The following ST13 variants were observed in gnomAD, a reference collection of about 807,000 sequenced individuals.
ST13 encodes the protein ST13 Hsp70 interacting protein.
ST13 carries 23 observed loss-of-function variants against 56.7 expected under a neutral mutation model. That is an observed-to-expected ratio of 0.41 (90% confidence interval 0.29 to 0.57). ST13 has a LOEUF of 0.57. Among genes scored for constraint, ST13 ranks in the 20% least tolerant of loss-of-function variants. The pLI is 0.36. For missense variants in ST13, 369 were observed against 459.9 expected (o/e 0.80, Z 1.81); for synonymous variants, 132 against 142.4 (o/e 0.93, Z 0.52).
chr22:40,835,737 A>G (rs1205992122), intron 6 of ST13, 66 bp downstream of exon 6: 5 of 1,593,940 alleles, frequency 3.1e-6, no homozygotes, highest in Middle Eastern at 1.7e-4. Context: ...ACACAGAAGC[A>G]ACTCTATTTA....
chr22:40,853,125 C>T (rs1017533413), intron 1 of ST13, among the ~76,000 whole-genome samples: 5 of 152,110 alleles, frequency 3.3e-5, no homozygotes, highest in African/African-American at 1.2e-4. Context: ...ATGGAGACTA[C>T]GTGACATGGC....
rs779168822 is a variant in ST13, at chr22:40,856,533, G to C, written c.8C>G (p.Pro3Arg). 2 of 1,612,268 alleles carry C rather than the reference G, an allele frequency of 1.2e-6. No individual in the cohort carries two copies. Among genetic ancestry groups the C allele is most frequent in the East Asian group, 2.2e-5 (1 of 44,880 alleles). MD[P>R]RKVNELRAFV... Reference sequence around the variant, plus strand: ...GGCCCGAAGCTCGTTCACTTTGCGGGGGTCCATGGTAGGGAGGTGGTGGGC... The same window carrying C: ...GGCCCGAAGCTCGTTCACTTTGCGGCGGTCCATGGTAGGGAGGTGGTGGGC... The change falls in exon 1 of 12, where the codon CCC (proline) becomes CGC (arginine). Residue 3 changes from proline (P) to arginine (R), a missense_variant. Physicochemically the swap from Pro to Arg is moderately radical, Grantham distance 103. Around this residue, in one of 3 missense-constraint regions of ST13, gnomAD observed 169 missense variants for 175.6 expected, o/e 0.96. Coordinates refer to ENST00000216218, the MANE Select transcript of ST13 (RefSeq NM_003932.5).
At chr22:40,844,989 T>C in intron 3 of ST13, 80 bp from the exon 4 acceptor site, 1 of 848,418 alleles carries the variant, frequency 1.2e-6, no homozygotes, top group Non-Finnish European at 1.8e-6. Flanking sequence ...AAAACTGACA[T>C]ACTATGACTA....
chr22:40,835,716 T>C, intron 6 of ST13, 46 bp from the exon 7 acceptor site: 1 of 1,601,848 alleles, frequency 6.2e-7, no homozygotes. Flanking sequence ...TCAGTAAAAG[T>C]TTTGGGATCA....
rs2057726374 is a variant in ST13, at chr22:40,826,045, T to C, written c.*493A>G. 1 of 152,726 alleles carries C rather than the reference T, an allele frequency of 6.5e-6. No individual in the cohort carries two copies. The highest frequency in any genetic ancestry group is 1.5e-5 in the Non-Finnish European group (1 of 68,120). 9.5% of individuals were successfully genotyped at this position (152,726 alleles called of 1,614,324 possible). On this transcript the variant is annotated 3_prime_UTR_variant, in exon 12 of 12. Coordinates refer to ENST00000216218, the MANE Select transcript of ST13 (RefSeq NM_003932.5). ...AATTAGTTTTATTGAAATAAATCTTTAAAGAAAAAGATAAAGCATTTAAAA... is the reference window on the plus strand; with the variant it reads ...AATTAGTTTTATTGAAATAAATCTTCAAAGAAAAAGATAAAGCATTTAAAA...
rs1246948482 is a variant in ST13 at position 40,826,515 on chromosome 22, G to A, written c.*23C>T. The A allele has an allele frequency of 6.3e-7, 1 of 1,596,398 alleles. No homozygotes were observed. Among genetic ancestry groups the A allele is most frequent in the Non-Finnish European group, 8.5e-7 (1 of 1,179,226 alleles). ...ATCTAGGTTGCTTTTCCTTCAGCAA[G>A]GGCTTTATTTATCAGAAGGACATTA... On this transcript the variant is annotated 3_prime_UTR_variant, in exon 12 of 12. Transcript: ENST00000216218.
At chr22:40,850,993 A>T in intron 1 of ST13, 113 bp from the exon 2 acceptor site, 1 of 700,310 alleles carries the variant, frequency 1.4e-6, no homozygotes, top group Non-Finnish European at 2.4e-6. Flanking sequence ...CCTTTTCAAA[A>T]TTTAAAAGTA....
intron 5 of ST13, among the ~76,000 whole-genome samples, chr22:40,839,888 T>C (rs1602655945): frequency 1.3e-5 from 2 of 151,726 alleles, no homozygotes; most frequent in African/African-American, 2.4e-5. Context: ...CAGTGGTTCA[T>C]GCCTGTTATC....
Position 40,832,584 on chromosome 22 carries a change from T to C in ST13, c.666A>G (p.Lys222=), listed in dbSNP as rs2057758987. The change falls in exon 8 of 12, where the codon AAA becomes AAG. Residue 222 remains lysine (K), a synonymous_variant. Transcript: ENST00000216218. ...TTTGACATACCCTAGGTTGAACTTC[T>C]TTCAGCATTGCACTAGCATCTTCAT... ...DYDEDASAML[K]EVQPRAQKIA... 1.9e-6 allele frequency: 3 copies of C among 1,608,746 alleles called. No homozygotes were observed. The highest frequency in any genetic ancestry group is 2.2e-5 in the East Asian group (1 of 44,886).
intron 2 of ST13, among the ~76,000 whole-genome samples, chr22:40,850,036 TC>T (rs2057853549): frequency 6.6e-6 from 1 of 151,710 alleles, no homozygotes; most frequent in Admixed American, 6.6e-5. Context: ...GGCTGAGAGA[TC>T]AGTTGAGGTC....
At position 40,826,703 on chromosome 22, in the gene ST13, CCTA is replaced by C. The variant is rs762085953; in HGVS notation, c.982-40_982-38del. 21 of 1,602,750 alleles carry C rather than the reference CCTA, an allele frequency of 1.3e-5. No individual in the cohort carries two copies. In the African/African-American group the frequency reaches 2.8e-4, roughly 21 times the overall value. ...GGGTTCATTAGTATTTAAAAAGTGT[CCTA>C]CTGGGTCAGTAAGTTTATTATCCTA... is the stretch of plus-strand genomic sequence containing the variant. On this transcript the variant is annotated intron_variant, in intron 11 of 11. Coordinates refer to ENST00000216218, the MANE Select transcript of ST13 (RefSeq NM_003932.5).
At chr22:40,847,058 C>G (rs2057835474) in intron 3 of ST13, among the ~76,000 whole-genome samples, 1 of 152,002 alleles carries the variant, frequency 6.6e-6, no homozygotes, top group African/African-American at 2.4e-5. Context: ...ATTTCAAGTA[C>G]TTTTCTTCAG....
intron 1 of ST13, 28 bp from the exon 2 acceptor site, chr22:40,850,908 T>G (rs1025143354): frequency 1.5e-5 from 24 of 1,558,536 alleles, no homozygotes; most frequent in Non-Finnish European, 1.9e-5. Flanking sequence ...AAAAGATATT[T>G]GTTTAGAAAA....
In ST13 at chr22:40,827,117, T is replaced by C. The variant is rs1236064061; in HGVS notation, c.960A>G (p.Pro320=). ...TTACCTGCATGGCTGCAAGAACCTC[T>C]GGATCACTAAGAATTTCATTGAGTC... ...MPGLNEILSD[P]EVLAAMQDPE... is the part of the protein sequence containing the mutation. The change falls in exon 11 of 12, where the codon CCA becomes CCG. Residue 320 remains proline (P), a synonymous_variant. Coordinates refer to ENST00000216218, the MANE Select transcript of ST13 (RefSeq NM_003932.5). 1 of 1,612,134 alleles carries C rather than the reference T, an allele frequency of 6.2e-7. No homozygotes were observed. The highest frequency in any genetic ancestry group is 8.5e-7 in the Non-Finnish European group (1 of 1,179,942).
At chr22:40,846,138 G>A (rs952932490) in intron 3 of ST13, among the ~76,000 whole-genome samples, 1 of 152,080 alleles carries the variant, frequency 6.6e-6, no homozygotes, top group Non-Finnish European at 1.5e-5. Flanking sequence ...GTTTCTCCAT[G>A]TTAGTCAGGC....
intron 5 of ST13, among the ~76,000 whole-genome samples, chr22:40,838,405 A>T (rs2057787456): frequency 6.6e-6 from 1 of 152,162 alleles, no homozygotes; most frequent in African/African-American, 2.4e-5. Context: ...AAAAGTGAGA[A>T]AACAAAAACA....
chr22:40,856,322 G>A (rs545557383), intron 1 of ST13, 109 bp downstream of exon 1: 21 of 949,728 alleles, frequency 2.2e-5, no homozygotes, highest in African/African-American at 2.0e-4. Context: ...CCCGGGCAAA[G>A]AAGGGGCAGC....
At chr22:40,852,997 T>TGTATTAAGCTTC (rs1417836226) in intron 1 of ST13, among the ~76,000 whole-genome samples, 1 of 152,122 alleles carries the variant, frequency 6.6e-6, no homozygotes, top group Non-Finnish European at 1.5e-5. Context: ...TTAAGCTAAA[T>TGTATTAAGCTTC]CCAATCCTAA....
intron 1 of ST13, 56 bp from the exon 2 acceptor site, chr22:40,850,936 G>A (rs1266722266): frequency 1.8e-5 from 24 of 1,343,110 alleles, no homozygotes; most frequent in South Asian, 3.9e-5. Flanking sequence ...TCACTGTCAC[G>A]CAACGTATTT....
Sources: gnomAD v4.1 joint callset for allele counts (sites outside exome capture counted in the v4.1 genomes callset) on GRCh38, gnomAD v4.1.1 for gene constraint, gnomAD v4.1.1 regional missense constraint, MANE v1.5 for transcripts, NCBI Gene and HGNC (gene_info 2026-07-23, HGNC 2026-07-21) for gene names.